RGS6: variants seen among roughly 807,000 people sequenced by gnomAD.
RGS6 encodes regulator of G protein signaling 6.
A neutral mutation model predicts 78.5 loss-of-function variants in RGS6; 30 were observed. That is an observed-to-expected ratio of 0.38 (90% confidence interval 0.29 to 0.52). The LOEUF (loss-of-function observed/expected upper bound fraction) is 0.52, where lower values mean the gene tolerates loss of function less well. Among genes scored for constraint, RGS6 ranks in the 20% least tolerant of loss-of-function variants. RGS6 has a pLI of 0.85. For synonymous variants in RGS6, 206 were observed against 206.0 expected, an observed-to-expected ratio of 1.00 and a Z score of 0.00; for missense variants, 495 against 609.7, an observed-to-expected ratio of 0.81 and a Z score of 1.98.
the RGS6 span, among the ~76,000 whole-genome samples, chr14:71,895,563 G>A: frequency 6.6e-6 from 1 of 152,178 alleles, no homozygotes; most frequent in African/African-American, 2.4e-5. Context: ...AGGTTGTTAA[G>A]CAACTCCCAG....
chr14:72,381,670 A>G (rs2086151472), intron 3 of RGS6, among the ~76,000 whole-genome samples: 1 of 152,146 alleles, frequency 6.6e-6, no homozygotes, highest in Non-Finnish European at 1.5e-5. Flanking sequence ...TTACCAAAGA[A>G]ATGTCTACAA....
chr14:71,877,921 A>G, the RGS6 span, among the ~76,000 whole-genome samples: 3 of 152,314 alleles, frequency 2.0e-5, no homozygotes, highest in African/African-American at 7.2e-5. Flanking sequence ...CCTCAGCTGC[A>G]GGTCTGTTGG....
intron 12 of RGS6, among the ~76,000 whole-genome samples, chr14:72,482,317 T>C (rs538149057): frequency 1.1e-4 from 16 of 152,286 alleles, no homozygotes; most frequent in African/African-American, 3.6e-4. Context: ...TAATATTCTT[T>C]GAATTCCTGT....
At chr14:72,599,344 T>C in the RGS6 span, among the ~76,000 whole-genome samples, 21 of 151,858 alleles carry the variant, frequency 1.4e-4, no homozygotes, top group Non-Finnish European at 2.1e-4. Context: ...CTAAGGTTCC[T>C]TCCTGCTGCC....
intron 7 of RGS6, among the ~76,000 whole-genome samples, chr14:72,467,118 T>C (rs1040352171): frequency 1.3e-5 from 2 of 152,142 alleles, no homozygotes; most frequent in Non-Finnish European, 2.9e-5. Flanking sequence ...TGAAAACTCA[T>C]AGATCATTTA....
chr14:72,058,749 T>C (rs1296395769), intron 2 of RGS6, among the ~76,000 whole-genome samples: 1 of 152,190 alleles, frequency 6.6e-6, no homozygotes, highest in Non-Finnish European at 1.5e-5. Context: ...TGATGTTGTG[T>C]CAATTATCTA....
chr14:72,485,279 T>C (rs1270243011), intron 12 of RGS6, among the ~76,000 whole-genome samples: 1 of 152,190 alleles, frequency 6.6e-6, no homozygotes, highest in Non-Finnish European at 1.5e-5. Context: ...CACCCAGCGG[T>C]TGGAGGACCA....
At chr14:72,193,273 C>A (rs1339086222) in intron 2 of RGS6, among the ~76,000 whole-genome samples, 1 of 152,172 alleles carries the variant, frequency 6.6e-6, no homozygotes, top group African/African-American at 2.4e-5. Flanking sequence ...GGATTTCAGG[C>A]ATGAGCCACT....
intron 2 of RGS6, among the ~76,000 whole-genome samples, chr14:72,318,342 G>T (rs1439396514): frequency 6.6e-6 from 1 of 152,090 alleles, no homozygotes; most frequent in Non-Finnish European, 1.5e-5. Context: ...ATTTGATGGT[G>T]CCCACCCAGA....
chr14:71,991,801 T>C (rs1237753631), intron 2 of RGS6, among the ~76,000 whole-genome samples: 1 of 152,212 alleles, frequency 6.6e-6, no homozygotes, highest in East Asian at 1.9e-4. Flanking sequence ...AGCAATTGGA[T>C]CACTTTGTTT....
chr14:71,999,720 T>TTTCTCGTGCTCTGGACATG (rs1391562285), intron 2 of RGS6, among the ~76,000 whole-genome samples: 1 of 152,214 alleles, frequency 6.6e-6, no homozygotes, highest in African/African-American at 2.4e-5. Flanking sequence ...CCCCTCTCTC[T>TTTCTCGTGCTCTGGACATG]TTCTCGTGCT....
intron 13 of RGS6, among the ~76,000 whole-genome samples, chr14:72,500,245 C>A (rs1212633976): frequency 6.6e-6 from 1 of 152,180 alleles, no homozygotes; most frequent in African/African-American, 2.4e-5. Context: ...AACTTCATGC[C>A]TAATCTAGGA....
chr14:72,418,457 G>A (rs182956880), intron 3 of RGS6, among the ~76,000 whole-genome samples: 4 of 152,212 alleles, frequency 2.6e-5, no homozygotes, highest in African/African-American at 7.2e-5. Flanking sequence ...ATGAGCCACC[G>A]CGCCCGGCCC....
the RGS6 span, among the ~76,000 whole-genome samples, chr14:71,913,665 T>C: frequency 2.0e-5 from 3 of 152,240 alleles, no homozygotes; most frequent in Non-Finnish European, 4.4e-5. Flanking sequence ...GCTGAGGAAC[T>C]TGGAACAATT....
At chr14:72,453,438 A>G (rs1268074806) in intron 3 of RGS6, among the ~76,000 whole-genome samples, 1 of 149,238 alleles carries the variant, frequency 6.7e-6, no homozygotes, top group Non-Finnish European at 1.5e-5. Flanking sequence ...AAACGGTGAA[A>G]CCCCGTCTCT....
At chr14:72,237,985 C>A (rs1271997719) in intron 2 of RGS6, among the ~76,000 whole-genome samples, 1 of 152,036 alleles carries the variant, frequency 6.6e-6, no homozygotes, top group Non-Finnish European at 1.5e-5. Context: ...GTCTGGTGTC[C>A]AGGAAGAATC....
At chr14:72,560,091 T>C (rs532997865) in intron 17 of RGS6, among the ~76,000 whole-genome samples, 60 of 149,726 alleles carry the variant, frequency 4.0e-4, no homozygotes, top group Non-Finnish European at 7.2e-4. Context: ...CAGACTCTTA[T>C]TCAGAAGCTT....
chr14:72,181,553 C>G (rs1295197914), intron 2 of RGS6, among the ~76,000 whole-genome samples: 2 of 152,114 alleles, frequency 1.3e-5, no homozygotes, highest in Non-Finnish European at 2.9e-5. Flanking sequence ...CTATGTATAC[C>G]ATGGAATGTG....
intron 7 of RGS6, among the ~76,000 whole-genome samples, chr14:72,469,057 G>A (rs1156951205): frequency 2.0e-5 from 3 of 151,948 alleles, no homozygotes; most frequent in Non-Finnish European, 4.4e-5. Context: ...TCCCCTCCTC[G>A]CCGCCCATCC....
Sources: allele counts gnomAD v4.1 joint callset (sites outside exome capture counted in the v4.1 genomes callset), GRCh38; gene constraint gnomAD v4.1.1; transcripts MANE v1.5; gene names NCBI Gene and HGNC (gene_info 2026-07-23, HGNC 2026-07-21).